Variants in TMEM235 observed in about 807,000 individuals in gnomAD.
TMEM235 encodes the protein claudin-27.
TMEM235 carries 23 observed loss-of-function variants against 22.9 expected under a neutral mutation model. That is an observed-to-expected ratio of 1.00 (90% CI 0.72 to 1.42). TMEM235 has a LOEUF of 1.42. TMEM235 is among the 40% of genes most tolerant of loss of function. The pLI is 0.00. For synonymous variants in TMEM235, 137 were observed against 140.5 expected (o/e 0.98, Z 0.17); for missense variants, 308 against 299.5 (o/e 1.03, Z -0.21).
exon 2 of TMEM235, chr17:78,231,831 GGT>G: frequency 8.3e-7 from 1 of 1,198,368 alleles, no homozygotes. Flanking sequence ...ACCGCAGAGA[GGT>G]GGGGTCGATC....
exon 2 of TMEM235, chr17:78,231,682 G>GC: frequency 7.7e-7 from 1 of 1,291,426 alleles, no homozygotes; most frequent in Non-Finnish European, 1.0e-6. Context: ...CTGCTGAGGA[G>GC]CCGGGGGTTC....
chr17:78,239,868 G>T (rs930344865), exon 6 of TMEM235: 2 of 1,551,498 alleles, frequency 1.3e-6, no homozygotes, highest in Admixed American at 2.0e-5. Context: ...GGCCTCCCTG[G>T]CCTCTGTTCT....
chr17:78,232,905 ATG>A (rs1198011152), intron 2 of TMEM235, among the ~76,000 whole-genome samples: 1 of 152,048 alleles, frequency 6.6e-6, no homozygotes, highest in Non-Finnish European at 1.5e-5. Context: ...AAATATGAAT[ATG>A]TGAGTGTGAG....
Position 78,237,845 on chromosome 17 carries a change from G to A in TMEM235, c.410-1179G>A, listed in dbSNP as rs889483878. Among the ~76,000 whole-genome samples the A allele has an allele frequency of 6.6e-6, 1 of 152,130 alleles. No individual in the cohort carries two copies. The highest frequency in any genetic ancestry group is 2.4e-5 in the African/African-American group (1 of 41,430). On this transcript the variant is annotated intron_variant, in intron 4 of 5. Coordinates refer to ENST00000421688, the Ensembl canonical transcript of TMEM235. The surrounding 1 kb of genome is among the most constrained non-coding windows in gnomAD (Gnocchi z 4.7). ...GTCCTCCCTCCCTCAGCCTCCCCATGCCTTCTTCTCCCCACTCTCTGTCCC... is the reference window on the plus strand; with the variant it reads ...GTCCTCCCTCCCTCAGCCTCCCCATACCTTCTTCTCCCCACTCTCTGTCCC...
chr17:78,231,813 G>T, exon 2 of TMEM235: 1 of 1,207,264 alleles, frequency 8.3e-7, no homozygotes, highest in Non-Finnish European at 1.1e-6. Context: ...CCAGGGGCGA[G>T]CTCAGCGACC....
chr17:78,240,162 CTGGT>C, exon 6 of TMEM235: 3 of 943,756 alleles, frequency 3.2e-6, no homozygotes, highest in Non-Finnish European at 2.8e-6. Context: ...TGTGAGTGCC[CTGGT>C]GGGCACACTG....
At chr17:78,232,309 C>A in intron 2 of TMEM235, 96 bp downstream of exon 1, 2 of 1,188,346 alleles carry the variant, frequency 1.7e-6, no homozygotes, top group Non-Finnish European at 2.2e-6. Flanking sequence ...GCCAGACCCC[C>A]TTCCAGGACC....
Position 78,238,591 on chromosome 17 carries a change from T to A in TMEM235, c.410-433T>A, listed in dbSNP as rs1196395266. 8.3e-5 allele frequency among the ~76,000 whole-genome samples: 12 copies of A among 143,968 alleles called. No homozygotes were observed. The highest frequency in any genetic ancestry group is 1.7e-4 in the Non-Finnish European group (11 of 64,634). The allele number at this position is 143,968 out of a possible 152,430, so 94.4% of individuals were successfully genotyped here. A position where few individuals can be genotyped will look rare whatever the true frequency, so the allele number is the denominator to read the frequency against. On this transcript the variant is annotated intron_variant, in intron 4 of 5. Transcript: ENST00000421688. The surrounding 1 kb of genome is among the most constrained non-coding windows in gnomAD (Gnocchi z 4.3). ...GTGTGTGTGTGTGTGTGTGTGAATG[T>A]GTGCAAATGTGTTCGTGTAGGTGTG...
At chr17:78,240,984 G>A (rs2081117487) in exon 6 of TMEM235, 1 of 152,264 alleles carries the variant, frequency 6.6e-6, no homozygotes, top group Non-Finnish European at 1.5e-5. Context: ...AGCAAACACT[G>A]TCACCAGCTG....
intron 3 of TMEM235, chr17:78,234,261 G>A (rs1040708842): frequency 1.2e-5 from 8 of 688,854 alleles, no homozygotes; most frequent in African/African-American, 3.5e-5. Flanking sequence ...TGGATCCTGC[G>A]GGCCTTGCAG....
At chr17:78,235,603 T>G (rs1437578091) in intron 4 of TMEM235, among the ~76,000 whole-genome samples, 1 of 146,964 alleles carries the variant, frequency 6.8e-6, no homozygotes, top group African/African-American at 2.5e-5. Flanking sequence ...TACATAGTTT[T>G]TTTTTTTTTT....
rs1025519194 is a variant in TMEM235, at chr17:78,239,838, G to A, written c.*46G>A. ...CCCACCCAGATCGCCTGGCGCCAGAGAGATGCCGTCTCAGGCCAAGGCCTC... is the reference window on the plus strand; with the variant it reads ...CCCACCCAGATCGCCTGGCGCCAGAAAGATGCCGTCTCAGGCCAAGGCCTC... On this transcript the variant is annotated 3_prime_UTR_variant, in exon 6 of 6. Coordinates refer to ENST00000421688, the Ensembl canonical transcript of TMEM235. 4.5e-6 allele frequency: 7 copies of A among 1,551,386 alleles called. No homozygotes were observed. The Admixed American group carries it at 9.8e-5, about 22-fold the overall frequency.
At chr17:78,233,145 G>T (rs1206551435) in intron 2 of TMEM235, among the ~76,000 whole-genome samples, 1 of 152,204 alleles carries the variant, frequency 6.6e-6, no homozygotes, top group Non-Finnish European at 1.5e-5. Flanking sequence ...CTGTGTGCAC[G>T]TGTGCACACG....
rs1044812101 is a variant in TMEM235, at chr17:78,237,152, G to T, written c.410-1872G>T. ...GACTCCAGCCTCCCCAGGCAGAGGG[G>T]GCCTCCATCCTAGTATGAGGGTCAG... On this transcript the variant is annotated intron_variant, in intron 4 of 5. Transcript: ENST00000421688. The surrounding 1 kb of genome is among the most constrained non-coding windows in gnomAD (Gnocchi z 4.7). Among the ~76,000 whole-genome samples the T allele has an allele frequency of 6.6e-6, 1 of 152,104 alleles. No homozygotes were observed. Among genetic ancestry groups the T allele is most frequent in the Non-Finnish European group, 1.5e-5 (1 of 67,998 alleles).
intron 4 of TMEM235, among the ~76,000 whole-genome samples, chr17:78,235,671 G>A (rs1392357112): frequency 7.2e-6 from 1 of 138,180 alleles, no homozygotes; most frequent in African/African-American, 2.7e-5. Flanking sequence ...CGCAATCTTC[G>A]CTCACTGCAA....
At chr17:78,232,018 GC>G in exon 2 of TMEM235, 2 of 1,062,738 alleles carry the variant, frequency 1.9e-6, no homozygotes, top group Non-Finnish European at 1.1e-6. Flanking sequence ...CCCGCCGGCC[GC>G]CCCCATGGCC....
chr17:78,232,265 C>G (rs2076591190), intron 2 of TMEM235, 52 bp downstream of exon 1: 8 of 1,403,224 alleles, frequency 5.7e-6, no homozygotes. Context: ...GTCCCTCCGA[C>G]ACCCCCTTAA....
At chr17:78,231,720 C>G in exon 2 of TMEM235, 1 of 1,261,146 alleles carries the variant, frequency 7.9e-7, no homozygotes, top group South Asian at 1.3e-5. Context: ...TGCCCAGGGA[C>G]CCGGGGCCAG....
intron 4 of TMEM235, among the ~76,000 whole-genome samples, 173 bp downstream of exon 3, chr17:78,234,903 T>G (rs2076626737): frequency 6.6e-6 from 1 of 152,242 alleles, no homozygotes; most frequent in Admixed American, 6.5e-5. Context: ...AAGGTACCCA[T>G]GTATATTTGT....
Sources: gnomAD v4.1 joint callset for allele counts (sites outside exome capture counted in the v4.1 genomes callset) on GRCh38, gnomAD v4.1.1 for gene constraint, Gnocchi (gnomAD v3.1) non-coding constraint, MANE v1.5 for transcripts, NCBI Gene and HGNC (gene_info 2026-07-23, HGNC 2026-07-21) for gene names.